LRCH3: variants seen among roughly 807,000 people sequenced by gnomAD.
The protein encoded by LRCH3 is leucine rich repeats and calponin homology domain containing 3.
Under a neutral mutation model 104.5 loss-of-function variants are expected in LRCH3, and 68 were observed. The observed-to-expected ratio is 0.65, with a 90% CI of 0.54 to 0.80. The LOEUF (loss-of-function observed/expected upper bound fraction) is 0.80. Among genes scored for constraint, LRCH3 ranks in the 30% least tolerant of loss-of-function variants. The pLI, the probability that LRCH3 is intolerant of heterozygous loss-of-function variation, is 0.00. For synonymous variants in LRCH3, 344 were observed against 361.3 expected (o/e 0.95, Z 0.54); for missense variants, 951 against 953.9 (o/e 1.00, Z 0.04).
intron 15 of LRCH3, among the ~76,000 whole-genome samples, chr3:197,861,494 G>A (rs1321325469): frequency 6.6e-6 from 1 of 152,152 alleles, no homozygotes; most frequent in Non-Finnish European, 1.5e-5. Flanking sequence ...AGACCACAGT[G>A]TCTTGTTCTA....
Position 197,820,363 on chromosome 3 carries a change from A to G in LRCH3, c.573A>G (p.Gln191=), listed in dbSNP as rs1175825559. 6.2e-7 allele frequency: 1 copy of G among 1,613,286 alleles called. No homozygotes were observed. Among genetic ancestry groups the G allele is most frequent in the Non-Finnish European group, 8.5e-7 (1 of 1,179,386 alleles). Residue 191 remains glutamine (Q), a synonymous_variant, in exon 4 of 21, where the codon CAA becomes CAG. Coordinates refer to ENST00000425562, the MANE Select transcript of LRCH3 (RefSeq NM_001365715.1). ...ATGAAATTCAAACTATACCTTCCCA[A>G]ATTGGTAACCTGGAGGCCTTGAGAG... The part of the protein sequence containing the change: ...SCNEIQTIPS[Q]IGNLEALRDL...
intron 9 of LRCH3, among the ~76,000 whole-genome samples, chr3:197,836,973 C>T (rs2109319243): frequency 6.6e-6 from 1 of 152,292 alleles, no homozygotes; most frequent in Admixed American, 6.5e-5. Context: ...CCACCGCACC[C>T]AGCCAGTATT....
intron 10 of LRCH3, among the ~76,000 whole-genome samples, chr3:197,846,411 A>C (rs535969113): frequency 2.7e-5 from 4 of 149,960 alleles, no homozygotes; most frequent in South Asian, 2.2e-4. Context: ...CAAAAAAAAA[A>C]CGGCTGGGCG....
At chr3:197,848,544 A>G (rs147475257) in intron 12 of LRCH3, 17 of 152,384 alleles carry the variant, frequency 1.1e-4, no homozygotes, top group African/African-American at 4.1e-4. Context: ...ATTTTATTTT[A>G]CCTGTATTGC....
chr3:197,858,783 G>A, intron 14 of LRCH3, 51 bp from the exon 15 acceptor site: 5 of 1,445,092 alleles, frequency 3.5e-6, no homozygotes, highest in Non-Finnish European at 4.9e-6. Flanking sequence ...CCTGACATTT[G>A]CTAACATAAA....
Position 197,835,711 on chromosome 3 carries a change from C to G in LRCH3, c.1140C>G (p.Ser380Arg), listed in dbSNP as rs1277581687. The G allele has an allele frequency of 3.1e-6, 5 of 1,613,590 alleles. No individual in the cohort carries two copies. Among genetic ancestry groups the G allele is most frequent in the Non-Finnish European group, 4.2e-6 (5 of 1,179,912 alleles). Residue 380 changes from serine to arginine, a missense_variant, in exon 9 of 21, where the codon AGC becomes AGG. By Grantham distance (110) the Ser-to-Arg change is moderately radical. Coordinates refer to ENST00000425562, the MANE Select transcript of LRCH3 (RefSeq NM_001365715.1). ...TGGATCAGATTGACTACATAGACAGCTGCACCGCAGAGGAAGAGGAGGCCG... is the reference window on the plus strand; with the variant it reads ...TGGATCAGATTGACTACATAGACAGGTGCACCGCAGAGGAAGAGGAGGCCG... ...HDLDQIDYID[S>R]CTAEEEEAEV...
chr3:197,852,344 A>G lies in LRCH3; in HGVS notation c.1531-217A>G, dbSNP rs556527783. 1.4e-5 allele frequency: 7 copies of G among 501,120 alleles called. No homozygotes were observed. In the South Asian group the frequency reaches 1.9e-4, roughly 14 times the overall value. 31.0% of individuals were successfully genotyped at this position (501,120 alleles called of 1,614,324 possible). On this transcript the variant is annotated intron_variant, in intron 12 of 20. Coordinates refer to ENST00000425562, the MANE Select transcript of LRCH3 (RefSeq NM_001365715.1). ...GGAGAGAATAAGTTCATCGAGTAAG[A>G]GGTCAATATTCTGATTATAAATGTG...
At chr3:197,864,437 G>A (rs1020744183) in intron 15 of LRCH3, among the ~76,000 whole-genome samples, 1 of 149,236 alleles carries the variant, frequency 6.7e-6, no homozygotes, top group East Asian at 1.9e-4. Flanking sequence ...GAGAAACCCC[G>A]TATCTACTAA....
chr3:197,815,025 T>A lies in LRCH3; in HGVS notation c.380T>A (p.Leu127Gln). The change falls in exon 2 of 21, where the codon CTA (leucine) becomes CAA (glutamine). Residue 127 changes from leucine to glutamine, a missense_variant. Physicochemically the swap from Leu to Gln is moderately radical, Grantham distance 113. Coordinates refer to ENST00000425562, the MANE Select transcript of LRCH3 (RefSeq NM_001365715.1). ...IRYIPEAILN[L>Q]QALTFLNISR... ...TATATTCCAGAGGCAATTTTAAACC[T>A]ACAAGCTCTAACATTCTTAAATATT... is the stretch of plus-strand genomic sequence containing the variant. 6.5e-7 allele frequency: 1 copy of A among 1,537,038 alleles called. No individual in the cohort carries two copies. The highest frequency in any genetic ancestry group is 8.9e-7 in the Non-Finnish European group (1 of 1,124,320).
intron 19 of LRCH3, among the ~76,000 whole-genome samples, chr3:197,874,522 A>T (rs886550281): frequency 6.6e-6 from 1 of 152,184 alleles, no homozygotes; most frequent in African/African-American, 2.4e-5. Context: ...TGATTATTTC[A>T]TTATATATTA....
At chr3:197,848,899 G>A (rs1231469136) in intron 12 of LRCH3, among the ~76,000 whole-genome samples, 1 of 152,102 alleles carries the variant, frequency 6.6e-6, no homozygotes, top group Non-Finnish European at 1.5e-5. Flanking sequence ...TGGCAATGAC[G>A]TTTAACTCTC....
intron 1 of LRCH3, among the ~76,000 whole-genome samples, chr3:197,792,919 T>A: frequency 6.6e-6 from 1 of 152,140 alleles, no homozygotes; most frequent in African/African-American, 2.4e-5. Context: ...CCCAAAGTGC[T>A]GGGATTACAG....
intron 1 of LRCH3, among the ~76,000 whole-genome samples, chr3:197,805,860 T>G (rs542721288): frequency 1.3e-5 from 2 of 152,308 alleles, no homozygotes; most frequent in African/African-American, 4.8e-5. Flanking sequence ...CCCTACACTG[T>G]ACCTTACAGG....
At chr3:197,834,903 G>A (rs1266242619) in intron 8 of LRCH3, among the ~76,000 whole-genome samples, 1 of 152,130 alleles carries the variant, frequency 6.6e-6, no homozygotes, top group Non-Finnish European at 1.5e-5. Context: ...CAGCACTTTG[G>A]GTGGCCACAG....
At chr3:197,879,496 A>G (rs4302415) in intron 20 of LRCH3, among the ~76,000 whole-genome samples, 22,916 of 146,598 alleles carry the variant, frequency 0.16, 2,708 homozygotes, top group African/African-American at 0.32. Flanking sequence ...AATACAAAAA[A>G]TTAGCCGGGC....
chr3:197,816,066 A>C (rs1478206612), intron 2 of LRCH3, among the ~76,000 whole-genome samples: 1 of 152,170 alleles, frequency 6.6e-6, no homozygotes, highest in Non-Finnish European at 1.5e-5. Flanking sequence ...TGATAAAAAT[A>C]ATATTAGTAG....
At chr3:197,848,183 A>G (rs1739038340) in intron 12 of LRCH3, 162 bp downstream of exon 12, 2 of 643,234 alleles carry the variant, frequency 3.1e-6, no homozygotes, top group Non-Finnish European at 5.4e-6. Context: ...GTCTATCTGC[A>G]TGAGGACAGA....
chr3:197,838,899 A>T (rs1737349322), intron 9 of LRCH3, among the ~76,000 whole-genome samples: 1 of 152,236 alleles, frequency 6.6e-6, no homozygotes, highest in Non-Finnish European at 1.5e-5. Flanking sequence ...TAACCTGCCC[A>T]GTGAACTCAC....
At chr3:197,850,482 G>C in intron 12 of LRCH3, 1 of 1,590,872 alleles carries the variant, frequency 6.3e-7, no homozygotes, top group Non-Finnish European at 8.5e-7. Context: ...TTCTGGTTTA[G>C]GAACAATCTG....
Sources: allele counts gnomAD v4.1 joint callset (sites outside exome capture counted in the v4.1 genomes callset), GRCh38; gene constraint gnomAD v4.1.1; transcripts MANE v1.5; gene names NCBI Gene and HGNC (gene_info 2026-07-23, HGNC 2026-07-21).